LAMA3: variants seen among roughly 807,000 people sequenced by gnomAD.
The protein encoded by LAMA3 is laminin subunit alpha-3.
LAMA3 carries 281 observed loss-of-function variants against 402.0 expected under a neutral mutation model. That is an observed-to-expected ratio of 0.70 (90% confidence interval 0.63 to 0.77). The LOEUF is 0.77. LAMA3 is among the 30% of genes least tolerant of loss of function. The pLI, the probability that LAMA3 is intolerant of heterozygous loss-of-function variation, is 0.00. For missense variants in LAMA3, 3,840 were observed against 4,215.5 expected (o/e 0.91, Z 2.47); for synonymous variants, 1,431 against 1,558.4 (o/e 0.92, Z 1.93).
chr18:23,846,533 A>G (rs1474462521), intron 31 of LAMA3, 25 bp downstream of exon 31: 7 of 1,588,698 alleles, frequency 4.4e-6, no homozygotes, highest in Non-Finnish European at 6.0e-6. Flanking sequence ...CCCATCACCC[A>G]AGTTCTGCTC....
At chr18:23,774,213 ACT>A (rs1313679498) in intron 9 of LAMA3, among the ~76,000 whole-genome samples, 4 of 152,312 alleles carry the variant, frequency 2.6e-5, no homozygotes, top group African/African-American at 4.8e-5. Context: ...ACAGAGTGAG[ACT>A]CTGTCTCAGA....
chr18:23,927,978 A>G, intron 62 of LAMA3, 145 bp from the exon 63 acceptor site: 1 of 730,506 alleles, frequency 1.4e-6, no homozygotes, highest in Non-Finnish European at 2.5e-6. Context: ...AATAAGTAGC[A>G]TTATGGGAAT....
At chr18:23,696,657 C>T (rs185450303) in intron 1 of LAMA3, among the ~76,000 whole-genome samples, 17 of 152,214 alleles carry the variant, frequency 1.1e-4, no homozygotes, top group Non-Finnish European at 1.9e-4. Context: ...TGTGTGAACA[C>T]GCCCGGCTAA....
intron 13 of LAMA3, among the ~76,000 whole-genome samples, chr18:23,812,484 G>A (rs1292068304): frequency 1.3e-5 from 2 of 152,152 alleles, no homozygotes; most frequent in East Asian, 1.9e-4. Context: ...TGAAAAACCA[G>A]ACTCAGAACA....
intron 11 of LAMA3, among the ~76,000 whole-genome samples, chr18:23,779,048 G>A (rs928043988): frequency 6.6e-6 from 1 of 152,176 alleles, no homozygotes; most frequent in African/African-American, 2.4e-5. Flanking sequence ...GGGCAGCCCT[G>A]GGCCAAGGGT....
intron 1 of LAMA3, among the ~76,000 whole-genome samples, chr18:23,706,776 G>A (rs2060897624): frequency 6.6e-6 from 1 of 152,096 alleles, no homozygotes; most frequent in Non-Finnish European, 1.5e-5. Flanking sequence ...AAACTTAGGG[G>A]CTTAAAACAA....
intron 6 of LAMA3, among the ~76,000 whole-genome samples, chr18:23,755,919 G>A (rs1458161988): frequency 6.6e-6 from 1 of 152,192 alleles, no homozygotes; most frequent in Non-Finnish European, 1.5e-5. Flanking sequence ...CAGAGGAAAA[G>A]CAGTGATTTG....
At chr18:23,857,757 A>T in intron 32 of LAMA3, 87 bp from the exon 33 acceptor site, 5 of 1,555,762 alleles carry the variant, frequency 3.2e-6, no homozygotes, top group Non-Finnish European at 4.4e-6. Flanking sequence ...GGCTTTGCAC[A>T]CCAATTAGTC....
chr18:23,857,234 T>G (rs1314011774), intron 32 of LAMA3, among the ~76,000 whole-genome samples: 1 of 152,204 alleles, frequency 6.6e-6, no homozygotes, highest in Non-Finnish European at 1.5e-5. Flanking sequence ...TCTCAGCTAC[T>G]GCGCTGTGCT....
chr18:23,836,885 A>G lies in LAMA3; in HGVS notation c.2985-96A>G, dbSNP rs188741420. 1.3e-4 allele frequency: 101 copies of G among 804,294 alleles called. No individual in the cohort carries two copies. The East Asian group carries it at 2.2e-3, about 18-fold the overall frequency. The allele number at this position is 804,294 out of a possible 1,614,324, so 49.8% of individuals were successfully genotyped here. On this transcript the variant is annotated intron_variant, in intron 24 of 74. Transcript: ENST00000313654. ...CACTATAATTCATTCAGTTATAAACAGGTGAAACCAAAGAGCCATCAGCCA... is the reference window on the plus strand; with the variant it reads ...CACTATAATTCATTCAGTTATAAACGGGTGAAACCAAAGAGCCATCAGCCA...
At chr18:23,874,495 G>A (rs55869240) in intron 38 of LAMA3, among the ~76,000 whole-genome samples, 7,949 of 152,270 alleles carry the variant, frequency 0.052, 274 homozygotes, top group Non-Finnish European at 0.076. Context: ...TAGCTTAAAG[G>A]AACATTATAT....
chr18:23,888,564 C>T (rs2080522190), intron 41 of LAMA3, among the ~76,000 whole-genome samples: 1 of 152,024 alleles, frequency 6.6e-6, no homozygotes, highest in African/African-American at 2.4e-5. Context: ...GGTAAAGAAA[C>T]TGAAGCACAG....
At chr18:23,783,271 C>T (rs1214697897) in intron 11 of LAMA3, among the ~76,000 whole-genome samples, 1 of 151,992 alleles carries the variant, frequency 6.6e-6, no homozygotes, top group African/African-American at 2.4e-5. Flanking sequence ...TTCTAGTGGT[C>T]AAAGCAAGTC....
intron 7 of LAMA3, among the ~76,000 whole-genome samples, chr18:23,761,804 GA>G (rs2061974999): frequency 2.0e-5 from 3 of 152,116 alleles, no homozygotes; most frequent in Admixed American, 2.0e-4. Flanking sequence ...AAAAGTTTTT[GA>G]ATTAATACTA....
intron 8 of LAMA3, among the ~76,000 whole-genome samples, chr18:23,764,237 T>TC (rs919480379): frequency 6.6e-6 from 1 of 152,040 alleles, no homozygotes; most frequent in African/African-American, 2.4e-5. Flanking sequence ...TTCATTTGTC[T>TC]CCCCCCTCCA....
At chr18:23,706,457 G>A (rs549496372) in intron 1 of LAMA3, among the ~76,000 whole-genome samples, 1 of 152,134 alleles carries the variant, frequency 6.6e-6, no homozygotes, top group Admixed American at 6.5e-5. Flanking sequence ...TTCTAACTCT[G>A]GTTATCATCA....
At chr18:23,951,861 G>A (rs2082926872) in intron 73 of LAMA3, 84 bp downstream of exon 73, 2 of 1,066,096 alleles carry the variant, frequency 1.9e-6, no homozygotes, top group Non-Finnish European at 2.8e-6. Context: ...GGCAGCCTCA[G>A]CCCCTCCATC....
chr18:23,901,027 C>G, intron 47 of LAMA3, 100 bp from the exon 48 acceptor site: 1 of 1,089,450 alleles, frequency 9.2e-7, no homozygotes, highest in Non-Finnish European at 1.4e-6. Flanking sequence ...CAAGGAAAAC[C>G]ATGAAATGAG....
chr18:23,694,976 A>G (rs2060657826), intron 1 of LAMA3, among the ~76,000 whole-genome samples: 1 of 152,220 alleles, frequency 6.6e-6, no homozygotes, highest in Non-Finnish European at 1.5e-5. Context: ...ACACCACCAT[A>G]GAATTTACTT....
Sources: allele counts gnomAD v4.1 joint callset (sites outside exome capture counted in the v4.1 genomes callset), GRCh38; gene constraint gnomAD v4.1.1; transcripts MANE v1.5; gene names NCBI Gene and HGNC (gene_info 2026-07-23, HGNC 2026-07-21).